MYOF: variants seen among roughly 807,000 people sequenced by gnomAD.
MYOF encodes fer-1-like 3, myoferlin.
Under a neutral mutation model 284.2 loss-of-function variants are expected in MYOF, and 244 were observed. That is an observed-to-expected ratio of 0.86 (90% confidence interval 0.77 to 0.95). MYOF has a LOEUF of 0.95. Ranked by LOEUF, MYOF falls within the 40% of genes least tolerant of loss-of-function variation. The probability of loss-of-function intolerance (pLI) is 0.00; values close to 1 mark genes in which losing one functional copy is unlikely to be tolerated. For synonymous variants in MYOF, 904 were observed against 919.7 expected (o/e 0.98, Z 0.31); for missense variants, 2,496 against 2,560.6 (o/e 0.97, Z 0.54).
At chr10:93,394,519 G>A (rs981926550) in intron 16 of MYOF, among the ~76,000 whole-genome samples, 5 of 129,220 alleles carry the variant, frequency 3.9e-5, no homozygotes, top group Non-Finnish European at 7.8e-5. Context: ...GGAGTGCAGT[G>A]GCGCGATCTC....
intron 50 of MYOF, among the ~76,000 whole-genome samples, chr10:93,316,375 G>A (rs141456946): frequency 2.1e-4 from 32 of 152,208 alleles, no homozygotes; most frequent in African/African-American, 7.7e-4. Context: ...AACAGGTTGA[G>A]GAGGGTAGGA....
chr10:93,314,247 C>T (rs1842516773), intron 50 of MYOF, among the ~76,000 whole-genome samples: 1 of 152,262 alleles, frequency 6.6e-6, no homozygotes, highest in East Asian at 1.9e-4. Flanking sequence ...CACCACAATG[C>T]CCGGCTAATT....
intron 5 of MYOF, among the ~76,000 whole-genome samples, chr10:93,412,874 C>T (rs758834887): frequency 2.0e-5 from 3 of 152,170 alleles, no homozygotes; most frequent in Non-Finnish European, 4.4e-5. Context: ...ACCTTGGCAC[C>T]AGCCTCGGGG....
At chr10:93,388,296 G>C (rs1164330507) in intron 18 of MYOF, among the ~76,000 whole-genome samples, 1 of 152,176 alleles carries the variant, frequency 6.6e-6, no homozygotes, top group Non-Finnish European at 1.5e-5. Flanking sequence ...CATTTATCTG[G>C]GTTAACTTGG....
chr10:93,370,311 CTAATTTTTTTTT>C (rs1845527527), intron 24 of MYOF, among the ~76,000 whole-genome samples: 1 of 108,270 alleles, frequency 9.2e-6, no homozygotes, highest in Non-Finnish European at 1.7e-5. Context: ...GTAATGATTA[CTAATTTTTTTTT>C]TTTTTTTTTT....
At chr10:93,331,984 C>G (rs1269257886) in intron 43 of MYOF, among the ~76,000 whole-genome samples, 1 of 152,138 alleles carries the variant, frequency 6.6e-6, no homozygotes, top group Non-Finnish European at 1.5e-5. Flanking sequence ...GAAACATCAC[C>G]AAGGCGGTTG....
chr10:93,406,828 T>C (rs1847615758), intron 7 of MYOF, among the ~76,000 whole-genome samples: 1 of 151,846 alleles, frequency 6.6e-6, no homozygotes, highest in Admixed American at 6.6e-5. Context: ...ATCATTTCTT[T>C]TCTGAATAAA....
chr10:93,371,855 T>C (rs1279948876), intron 24 of MYOF, among the ~76,000 whole-genome samples: 1 of 152,122 alleles, frequency 6.6e-6, no homozygotes, highest in African/African-American at 2.4e-5. Context: ...CTTAAAAGCA[T>C]TTTGCTGTTT....
chr10:93,354,285 C>G (rs926262682), intron 31 of MYOF, among the ~76,000 whole-genome samples: 1 of 151,982 alleles, frequency 6.6e-6, no homozygotes, highest in Non-Finnish European at 1.5e-5. Context: ...GGCTGAGGCA[C>G]GAGAATCACT....
chr10:93,431,426 T>A lies in MYOF; in HGVS notation c.327A>T (p.Glu109Asp), dbSNP rs767420919. Reference sequence around the variant, plus strand: ...CACTCACCCCAGTATCTTGCCCTTTTTCATTTAGCAGGGAGATCAGCTTGT... The same window carrying A: ...CACTCACCCCAGTATCTTGCCCTTTATCATTTAGCAGGGAGATCAGCTTGT... ...LPYKLISLLN[E>D]KGQDTGATID... Residue 109 changes from glutamate to aspartate, a missense_variant, in exon 4 of 54, where the codon GAA becomes GAT. Physicochemically the swap from Glu to Asp is conservative, Grantham distance 45. Around this residue, in one of 3 missense-constraint regions of MYOF, gnomAD observed 2,436 missense variants for 2,480.7 expected, o/e 0.98. Coordinates refer to ENST00000359263, the MANE Select transcript of MYOF (RefSeq NM_013451.4). The A allele has an allele frequency of 1.9e-6, 3 of 1,613,868 alleles. No individual in the cohort carries two copies. The Admixed American group carries it at 5.0e-5, about 27-fold the overall frequency.
intron 43 of MYOF, among the ~76,000 whole-genome samples, chr10:93,332,230 T>TTTA (rs1564624528): frequency 6.7e-6 from 1 of 150,050 alleles, no homozygotes; most frequent in African/African-American, 2.5e-5. Flanking sequence ...TCTTTTATTT[T>TTTA]TTTTTTTTGG....
At chr10:93,454,799 A>G (rs2056693954) in intron 2 of MYOF, among the ~76,000 whole-genome samples, 1 of 151,914 alleles carries the variant, frequency 6.6e-6, no homozygotes, top group African/African-American at 2.4e-5. Context: ...GCAACATAGC[A>G]GGATGTAATC....
At position 93,402,229 on chromosome 10, in the gene MYOF, C is replaced by T. The variant is rs952953259; in HGVS notation, c.990+3G>A. The T allele has an allele frequency of 1.6e-5, 25 of 1,611,650 alleles. No individual in the cohort carries two copies. In the East Asian group the frequency reaches 5.6e-4, roughly 36 times the overall value. Reference sequence around the variant, plus strand: ...GTAGAAAGTAGAGAATGTAGGGACTCACAGGAGGCTCATCTCCGGTTCCCA... The same window carrying T: ...GTAGAAAGTAGAGAATGTAGGGACTTACAGGAGGCTCATCTCCGGTTCCCA... On this transcript the variant is annotated splice_donor_region_variant and intron_variant, in intron 11 of 53. Transcript: ENST00000359263.
chr10:93,434,956 C>T (rs564264751), intron 3 of MYOF, among the ~76,000 whole-genome samples: 64 of 152,030 alleles, frequency 4.2e-4, no homozygotes, highest in Non-Finnish European at 7.1e-4. Flanking sequence ...CCACACAGCA[C>T]GAGTATTAAG....
Position 93,351,825 on chromosome 10 carries a change from A to T in MYOF, c.3503T>A (p.Phe1168Tyr), listed in dbSNP as rs1293732224. 2 of 1,586,022 alleles carry T rather than the reference A, an allele frequency of 1.3e-6. No individual in the cohort carries two copies. The highest frequency in any genetic ancestry group is 8.5e-7 in the Non-Finnish European group (1 of 1,173,578). Residue 1168 changes from phenylalanine to tyrosine, a missense_variant, in exon 33 of 54, where the codon TTC becomes TAC. Transcript: ENST00000359263. ...CTCAGTGGTTTTGCTCCGATGGAGG[A>T]AACAGATATGAGCATATGGATCTAA... is the stretch of plus-strand genomic sequence containing the variant. The part of the protein sequence containing the change: ...SFSDPYAHIC[F>Y]LHRSKTTEII...
intron 49 of MYOF, 54 bp from the exon 50 acceptor site, chr10:93,316,867 C>CTTA: frequency 1.4e-6 from 2 of 1,450,722 alleles, no homozygotes; most frequent in Admixed American, 3.4e-5. Context: ...ACCTTTGGCT[C>CTTA]CTTAAGACAG....
intron 35 of MYOF, among the ~76,000 whole-genome samples, chr10:93,350,823 C>A (rs891880521): frequency 5.3e-5 from 8 of 152,164 alleles, no homozygotes. Context: ...GACATGTCAA[C>A]ATTGCTCACT....
At chr10:93,312,434 C>T (rs1252999492) in intron 51 of MYOF, among the ~76,000 whole-genome samples, 1 of 152,170 alleles carries the variant, frequency 6.6e-6, no homozygotes, top group Admixed American at 6.5e-5. Context: ...CAACCTATGC[C>T]TCCTGGGTCC....
chr10:93,460,792 A>C (rs2056857348), intron 1 of MYOF, among the ~76,000 whole-genome samples: 1 of 148,406 alleles, frequency 6.7e-6, no homozygotes, highest in Non-Finnish European at 1.5e-5. Context: ...AAAAGAAAGA[A>C]AAAGAAAAAA....
Sources: allele counts gnomAD v4.1 joint callset (sites outside exome capture counted in the v4.1 genomes callset), GRCh38; gene constraint gnomAD v4.1.1; regional missense constraint gnomAD v4.1.1; transcripts MANE v1.5; gene names NCBI Gene and HGNC (gene_info 2026-07-23, HGNC 2026-07-21).